Variants in GALNTL6 observed in about 807,000 individuals in gnomAD.
The protein encoded by GALNTL6 is polypeptide N-acetylgalactosaminyltransferase like 6, also known as polypeptide N-acetylgalactosaminyltransferase-like 6.
GALNTL6 carries 46 observed loss-of-function variants against 73.7 expected under a neutral mutation model. The observed-to-expected ratio is 0.62, with a 90% CI of 0.49 to 0.80. GALNTL6 has a LOEUF of 0.80. Among genes scored for constraint, GALNTL6 ranks in the 30% least tolerant of loss-of-function variants. The pLI, the probability that GALNTL6 is intolerant of heterozygous loss-of-function variation, is 0.00. For missense variants in GALNTL6, 604 were observed against 755.0 expected (o/e 0.80, Z 2.34); for synonymous variants, 259 against 263.7 (o/e 0.98, Z 0.17).
At chr4:172,258,570 A>G (rs1291243201) in intron 3 of GALNTL6, among the ~76,000 whole-genome samples, 1 of 151,322 alleles carries the variant, frequency 6.6e-6, no homozygotes, top group Non-Finnish European at 1.5e-5. Context: ...ATAGAGAATT[A>G]TAAGTTATTT....
intron 3 of GALNTL6, among the ~76,000 whole-genome samples, chr4:172,236,558 C>CA (rs149895272): frequency 0.013 from 1,830 of 136,518 alleles, 91 homozygotes; most frequent in African/African-American, 0.041. Flanking sequence ...GACTCCGTCT[C>CA]AAATAAAAAA....
intron 2 of GALNTL6, among the ~76,000 whole-genome samples, chr4:172,218,299 C>A (rs1054226963): frequency 6.6e-6 from 1 of 152,032 alleles, no homozygotes; most frequent in Non-Finnish European, 1.5e-5. Context: ...AGGCCTTAGG[C>A]CTTTGTTATG....
At chr4:172,125,277 C>T (rs995849126) in intron 2 of GALNTL6, among the ~76,000 whole-genome samples, 2 of 151,984 alleles carry the variant, frequency 1.3e-5, no homozygotes, top group East Asian at 3.9e-4. Context: ...AATCTAAATC[C>T]AGAAAAATTA....
intron 2 of GALNTL6, among the ~76,000 whole-genome samples, chr4:172,164,669 C>T (rs964180819): frequency 1.3e-5 from 2 of 151,942 alleles, no homozygotes; most frequent in Non-Finnish European, 2.9e-5. Context: ...CTAGGTATTT[C>T]TATTTTCAGT....
At chr4:172,875,112 A>G (rs73870308) in intron 7 of GALNTL6, among the ~76,000 whole-genome samples, 331 of 152,338 alleles carry the variant, frequency 2.2e-3, no homozygotes, top group African/African-American at 7.4e-3. Flanking sequence ...TCAGAAAACC[A>G]GGAAAATCCA....
At chr4:172,830,206 A>G (rs1742546101) in intron 7 of GALNTL6, among the ~76,000 whole-genome samples, 1 of 152,232 alleles carries the variant, frequency 6.6e-6, no homozygotes, top group Non-Finnish European at 1.5e-5. Context: ...CATGGCAGAG[A>G]TAAAGGAATT....
At chr4:172,913,558 G>GAGCT (rs1375348874) in intron 8 of GALNTL6, among the ~76,000 whole-genome samples, 2 of 152,182 alleles carry the variant, frequency 1.3e-5, no homozygotes, top group African/African-American at 4.8e-5. Context: ...TGACCTGATG[G>GAGCT]AGCTGAAAAC....
At chr4:172,840,534 A>G (rs932850993) in intron 7 of GALNTL6, among the ~76,000 whole-genome samples, 1 of 152,176 alleles carries the variant, frequency 6.6e-6, no homozygotes, top group Non-Finnish European at 1.5e-5. Flanking sequence ...TCATCCATTC[A>G]TTTGTTGACT....
chr4:172,877,440 G>C (rs1359972512), intron 7 of GALNTL6, among the ~76,000 whole-genome samples: 3 of 151,950 alleles, frequency 2.0e-5, no homozygotes, highest in African/African-American at 7.2e-5. Context: ...TCTTGGTTTA[G>C]AGAAGATGAT....
chr4:172,195,841 G>A (rs1049953963), intron 2 of GALNTL6, among the ~76,000 whole-genome samples: 1 of 152,056 alleles, frequency 6.6e-6, no homozygotes, highest in African/African-American at 2.4e-5. Flanking sequence ...AATCTAGAAA[G>A]ATCTCAAATT....
At chr4:172,645,654 A>G (rs1314424963) in intron 5 of GALNTL6, among the ~76,000 whole-genome samples, 1 of 151,952 alleles carries the variant, frequency 6.6e-6, no homozygotes, top group Non-Finnish European at 1.5e-5. Context: ...AATAGAAAAA[A>G]AAGCATACAA....
chr4:172,182,738 A>G (rs1297521984), intron 2 of GALNTL6, among the ~76,000 whole-genome samples: 1 of 151,936 alleles, frequency 6.6e-6, no homozygotes. Context: ...TTAAATGTGC[A>G]TTTATTTTAA....
chr4:172,899,490 T>G (rs928594194), intron 8 of GALNTL6, among the ~76,000 whole-genome samples: 1 of 150,034 alleles, frequency 6.7e-6, no homozygotes, highest in Non-Finnish European at 1.5e-5. Context: ...CTTCTGTTGT[T>G]ATATCAATAG....
chr4:172,789,725 C>G (rs1197782396), intron 5 of GALNTL6, among the ~76,000 whole-genome samples: 1 of 152,178 alleles, frequency 6.6e-6, no homozygotes, highest in African/African-American at 2.4e-5. Context: ...ATTCCTTCCC[C>G]CAGGATATAG....
intron 3 of GALNTL6, among the ~76,000 whole-genome samples, chr4:172,230,237 G>A (rs1321320195): frequency 6.6e-6 from 1 of 152,166 alleles, no homozygotes; most frequent in African/African-American, 2.4e-5. Flanking sequence ...AGTTGGAAAA[G>A]CAATCAGGCA....
chr4:172,147,628 C>A (rs1298777205), intron 2 of GALNTL6, among the ~76,000 whole-genome samples: 1 of 152,172 alleles, frequency 6.6e-6, no homozygotes, highest in African/African-American at 2.4e-5. Flanking sequence ...AGTTATACTA[C>A]ACAAACCCTA....
intron 5 of GALNTL6, among the ~76,000 whole-genome samples, chr4:172,678,735 C>T (rs1330562091): frequency 6.6e-6 from 1 of 152,196 alleles, no homozygotes; most frequent in Non-Finnish European, 1.5e-5. Flanking sequence ...TCCTCTCTCC[C>T]CATCTCTTAA....
intron 5 of GALNTL6, among the ~76,000 whole-genome samples, chr4:172,649,591 A>G (rs1369307838): frequency 6.6e-6 from 1 of 152,208 alleles, no homozygotes; most frequent in Non-Finnish European, 1.5e-5. Flanking sequence ...GTGTGTATAA[A>G]GAATTTTTAT....
chr4:172,016,978 G>A (rs182346811), intron 2 of GALNTL6, among the ~76,000 whole-genome samples: 9 of 152,150 alleles, frequency 5.9e-5, no homozygotes, highest in South Asian at 4.2e-4. Flanking sequence ...AGTTTATCTC[G>A]TTCTCTCAGA....
Sources: gnomAD v4.1 joint callset for allele counts (sites outside exome capture counted in the v4.1 genomes callset) on GRCh38, gnomAD v4.1.1 for gene constraint, MANE v1.5 for transcripts, NCBI Gene and HGNC (gene_info 2026-07-23, HGNC 2026-07-21) for gene names.